The following GAL3ST1 variants were observed in gnomAD, a reference collection of about 807,000 sequenced individuals.
GAL3ST1 encodes the protein galactosylceramide sulfotransferase.
A neutral mutation model predicts 25.0 loss-of-function variants in GAL3ST1; 13 were observed. The observed-to-expected ratio is 0.52, with a 90% CI of 0.34 to 0.83. The LOEUF is 0.83. Ranked by LOEUF, GAL3ST1 falls within the 40% of genes least tolerant of loss-of-function variation. GAL3ST1 has a pLI of 0.02. For synonymous variants in GAL3ST1, 274 were observed against 277.8 expected, an observed-to-expected ratio of 0.99 and a Z score of 0.14; for missense variants, 474 against 613.6, an observed-to-expected ratio of 0.77 and a Z score of 2.40.
At chr22:30,559,741 G>A (rs77211321) in intron 1 of GAL3ST1, among the ~76,000 whole-genome samples, 1,770 of 152,290 alleles carry the variant, frequency 0.012, 31 homozygotes, top group African/African-American at 0.04. Flanking sequence ...AGGGGACTGA[G>A]ACATGGACTG....
chr22:30,557,540 G>A (rs112410786), intron 2 of GAL3ST1, 139 bp from the exon 3 acceptor site: 18,375 of 836,372 alleles, frequency 0.022, 305 homozygotes, highest in Middle Eastern at 0.045. Flanking sequence ...GGACAGAGAG[G>A]CACTGGAGAG....
chr22:30,570,728 A>G (rs528639354), intron 1 of GAL3ST1, among the ~76,000 whole-genome samples: 1 of 152,174 alleles, frequency 6.6e-6, no homozygotes, highest in African/African-American at 2.4e-5. Context: ...GGAGGTTGCA[A>G]TGAGCCAATA....
intron 1 of GAL3ST1, among the ~76,000 whole-genome samples, chr22:30,558,745 C>G (rs946741314): frequency 2.0e-5 from 3 of 152,212 alleles, no homozygotes; most frequent in Non-Finnish European, 4.4e-5. Context: ...ATACCCACCC[C>G]CTTTCCAAAG....
Position 30,554,818 on chromosome 22 carries a change from C to T in GAL3ST1, c.*135G>A. The T allele has an allele frequency of 1.6e-6, 1 of 643,004 alleles. No homozygotes were observed. The highest frequency in any genetic ancestry group is 2.6e-6 in the Non-Finnish European group (1 of 390,920). The allele number at this position is 643,004 out of a possible 1,614,324, so 39.8% of individuals were successfully genotyped here. A position where few individuals can be genotyped will look rare whatever the true frequency, so the allele number is the denominator to read the frequency against. On this transcript the variant is annotated 3_prime_UTR_variant, in exon 4 of 4. Transcript: ENST00000406361. ...GGCCCAGTCTTGGCTGGCTGCCTCC[C>T]CCCAGGGAGCCCCCCCTCACCCCGG... is the stretch of plus-strand genomic sequence containing the variant.
chr22:30,555,679 G>C lies in GAL3ST1; in HGVS notation c.546C>G (p.Pro182=). 1 of 1,613,822 alleles carries C rather than the reference G, an allele frequency of 6.2e-7. No individual in the cohort carries two copies. The highest frequency in any genetic ancestry group is 8.5e-7 in the Non-Finnish European group (1 of 1,180,044). The change falls in exon 4 of 4, where the codon CCC becomes CCG. Residue 182 remains proline (P), a synonymous_variant. Transcript: ENST00000406361. This position sits in a 1 kb window ranked among gnomAD's most constrained non-coding sequence, Gnocchi z 8.6. ...SSFHYFGPVV[P]LTWKLSAGDK... ...CGCCGGCCGAGAGCTTCCACGTGAG[G>C]GGCACCACCGGCCCGAAGTAGTGGA...
chr22:30,568,545 G>A (rs559314493), intron 1 of GAL3ST1, among the ~76,000 whole-genome samples: 82 of 152,308 alleles, frequency 5.4e-4, no homozygotes, highest in African/African-American at 1.9e-3. Flanking sequence ...TCAAGAAAAC[G>A]AGAACTGTAT....
rs553258965 is a variant in GAL3ST1 at position 30,566,761 on chromosome 22, C to T, written c.-120+7705G>A. 9.2e-5 allele frequency among the ~76,000 whole-genome samples: 14 copies of T among 152,226 alleles called. No homozygotes were observed. In the South Asian group the frequency reaches 1.2e-3, roughly 14 times the overall value. ...AGTAGCTGGGACTACAGGCACCCTC[C>T]ACCATGCTCGGCTAATTTTTTGTAT... On this transcript the variant is annotated intron_variant, in intron 1 of 3. Transcript: ENST00000406361.
intron 1 of GAL3ST1, among the ~76,000 whole-genome samples, chr22:30,559,388 A>C (rs955928861): frequency 4.7e-4 from 71 of 151,572 alleles, no homozygotes; most frequent in South Asian, 1.0e-3. Context: ...TTACAGGCAC[A>C]CGCCACCACA....
chr22:30,560,461 C>T (rs931034751), intron 1 of GAL3ST1: 3 of 152,210 alleles, frequency 2.0e-5, no homozygotes, highest in Non-Finnish European at 4.4e-5. Flanking sequence ...AGAGTGTTAT[C>T]TGTACCCCTC....
intron 1 of GAL3ST1, among the ~76,000 whole-genome samples, chr22:30,570,651 C>G (rs1389590692): frequency 6.6e-6 from 1 of 152,144 alleles, no homozygotes; most frequent in Non-Finnish European, 1.5e-5. Context: ...CAAAAATTAG[C>G]TGGGCATGGT....
intron 1 of GAL3ST1, among the ~76,000 whole-genome samples, chr22:30,568,099 G>C (rs1419582429): frequency 6.6e-6 from 1 of 152,230 alleles, no homozygotes; most frequent in Non-Finnish European, 1.5e-5. Flanking sequence ...TAACTGGGGA[G>C]ACACAGGAAC....
intron 1 of GAL3ST1, among the ~76,000 whole-genome samples, chr22:30,570,085 A>T (rs2086735086): frequency 1.3e-5 from 2 of 152,168 alleles, no homozygotes; most frequent in South Asian, 4.1e-4. Context: ...CCCCATCTTA[A>T]AAAAAGAAAC....
Position 30,555,763 on chromosome 22 carries a change from C to G in GAL3ST1, c.462G>C (p.Pro154=). The G allele has an allele frequency of 1.2e-6, 2 of 1,614,098 alleles. No individual in the cohort carries two copies. Among genetic ancestry groups the G allele is most frequent in the South Asian group, 1.1e-5 (1 of 91,066 alleles). The part of the protein sequence containing the change: ...FHYDEVRGLV[P]TNAIFITVLR... ...GCACCGTGATGAAGATGGCGTTGGT[C>G]GGCACCAGGCCGCGCACCTCGTCGT... The change falls in exon 4 of 4, where the codon CCG becomes CCC. Residue 154 remains proline, a synonymous_variant. Transcript: ENST00000406361. The surrounding 1 kb of genome is among the most constrained non-coding windows in gnomAD (Gnocchi z 8.6).
intron 1 of GAL3ST1, among the ~76,000 whole-genome samples, chr22:30,565,592 A>C (rs985497784): frequency 1.3e-5 from 2 of 152,184 alleles, no homozygotes; most frequent in African/African-American, 4.8e-5. Flanking sequence ...CCTGAGCTCT[A>C]AATCTTTCAT....
intron 1 of GAL3ST1, chr22:30,572,960 C>T (rs1443165150): frequency 2.0e-5 from 3 of 152,250 alleles, no homozygotes; most frequent in Non-Finnish European, 4.4e-5. Flanking sequence ...ACACACTCCT[C>T]CCTTGCTGGG....
In GAL3ST1 at chr22:30,558,284, G is replaced by A. The variant is rs1440955374; in HGVS notation, c.-15C>T. 1 of 152,102 alleles carries A rather than the reference G, an allele frequency of 6.6e-6. No homozygotes were observed. Among genetic ancestry groups the A allele is most frequent in the Non-Finnish European group, 1.5e-5 (1 of 68,032 alleles). The allele number at this position is 152,102 out of a possible 1,614,324, so 9.4% of individuals were successfully genotyped here. A position where few individuals can be genotyped will look rare whatever the true frequency, so the allele number is the denominator to read the frequency against. ...CCAGGCGTGGTGGCACATGCCTGTA[G>A]TCCTAGTTACTTGGAAGGCTGAGGC... On this transcript the variant is annotated 5_prime_UTR_variant, in exon 2 of 4. Transcript: ENST00000406361.
At chr22:30,561,193 C>T in intron 1 of GAL3ST1, among the ~76,000 whole-genome samples, 1 of 152,248 alleles carries the variant, frequency 6.6e-6, no homozygotes, top group East Asian at 1.9e-4. Context: ...ATCCACCCGC[C>T]TTGGCCTTCC....
At chr22:30,572,332 C>T (rs930766289) in intron 1 of GAL3ST1, among the ~76,000 whole-genome samples, 1 of 152,210 alleles carries the variant, frequency 6.6e-6, no homozygotes, top group Admixed American at 6.5e-5. Context: ...GCCGGAGATA[C>T]ATACACCCAC....
intron 1 of GAL3ST1, among the ~76,000 whole-genome samples, chr22:30,562,232 T>A (rs567369892): frequency 2.6e-5 from 4 of 152,174 alleles, no homozygotes; most frequent in South Asian, 2.1e-4. Flanking sequence ...TTAAAAAAAA[T>A]TTTGTAGAGA....
Sources: allele counts gnomAD v4.1 joint callset (sites outside exome capture counted in the v4.1 genomes callset), GRCh38; gene constraint gnomAD v4.1.1; non-coding constraint Gnocchi (gnomAD v3.1); transcripts MANE v1.5; gene names NCBI Gene and HGNC (gene_info 2026-07-23, HGNC 2026-07-21).